Variants in TOR1AIP2 observed in about 807,000 individuals in gnomAD.
TOR1AIP2 encodes torsin 1A interacting protein 2, also known as torsin-1A-interacting protein 2.
A neutral mutation model predicts 32.6 loss-of-function variants in TOR1AIP2; 20 were observed. The observed-to-expected ratio is 0.61, with a 90% CI of 0.43 to 0.89. TOR1AIP2 has a LOEUF of 0.89. Ranked by LOEUF, TOR1AIP2 falls within the 40% of genes least tolerant of loss-of-function variation. The pLI is 0.00. For missense variants in TOR1AIP2, 456 were observed against 553.8 expected, an observed-to-expected ratio of 0.82 and a Z score of 1.77; for synonymous variants, 214 against 210.8, an observed-to-expected ratio of 1.02 and a Z score of -0.13.
chr1:179,869,631 T>C (rs1696934295), intron 2 of TOR1AIP2, among the ~76,000 whole-genome samples: 1 of 152,230 alleles, frequency 6.6e-6, no homozygotes, highest in South Asian at 2.1e-4. Flanking sequence ...ATATGGATCT[T>C]TGTTTTCCTC....
intron 2 of TOR1AIP2, among the ~76,000 whole-genome samples, chr1:179,869,542 G>A (rs1162617127): frequency 2.0e-5 from 3 of 152,172 alleles, no homozygotes; most frequent in Admixed American, 1.3e-4. Flanking sequence ...TCACACTGTG[G>A]ACAAGACCAG....
intron 2 of TOR1AIP2, among the ~76,000 whole-genome samples, chr1:179,872,115 A>G (rs116110498): frequency 1.8e-4 from 28 of 152,332 alleles, no homozygotes; most frequent in African/African-American, 6.5e-4. Context: ...TAGCTGCAGA[A>G]TGTTCTCCTC....
At chr1:179,864,775 T>G in intron 3 of TOR1AIP2, 1 of 1,585,640 alleles carries the variant, frequency 6.3e-7, no homozygotes, top group Non-Finnish European at 8.6e-7. Flanking sequence ...TTGACTATTA[T>G]AGAAGCTATT....
intron 2 of TOR1AIP2, among the ~76,000 whole-genome samples, chr1:179,873,325 C>T (rs1036477696): frequency 1.3e-5 from 2 of 152,178 alleles, no homozygotes; most frequent in African/African-American, 4.8e-5. Context: ...CTGCACCTGA[C>T]CTGGCCAGTT....
intron 6 of TOR1AIP2, among the ~76,000 whole-genome samples, chr1:179,847,030 T>G (rs529652673): frequency 6.6e-6 from 1 of 152,358 alleles, no homozygotes; most frequent in African/African-American, 2.4e-5. Context: ...TTTGAAGATA[T>G]ATCTGTTAAA....
At chr1:179,866,316 G>C (rs1188515295) in intron 2 of TOR1AIP2, among the ~76,000 whole-genome samples, 1 of 150,300 alleles carries the variant, frequency 6.7e-6, no homozygotes, top group Non-Finnish European at 1.5e-5. Flanking sequence ...GCTAACCATA[G>C]AAAGTTGAAT....
chr1:179,873,843 C>G (rs183387540), intron 2 of TOR1AIP2: 1 of 152,292 alleles, frequency 6.6e-6, no homozygotes, highest in Non-Finnish European at 1.5e-5. Flanking sequence ...TCAAATTGTT[C>G]CAACCTGGAT....
chr1:179,856,597 C>T (rs193148019), intron 3 of TOR1AIP2, among the ~76,000 whole-genome samples: 4 of 151,982 alleles, frequency 2.6e-5, no homozygotes, highest in Admixed American at 6.6e-5. Context: ...GATCTGGAGG[C>T]CACTGTTTCA....
rs148534399 is a variant in TOR1AIP2 at position 179,859,155 on chromosome 1, T to G, written c.-147+6281A>C. 408 of 985,406 alleles carry G rather than the reference T, an allele frequency of 4.1e-4. 2 individuals carry two copies. The African/African-American group carries it at 6.8e-3, about 16-fold the overall frequency. The allele number at this position is 985,406 out of a possible 1,614,324, so 61.0% of individuals were successfully genotyped here. On this transcript the variant is annotated intron_variant, in intron 3 of 6. Transcript: ENST00000609928. The stretch of plus-strand genomic sequence containing the variant: ...GAAACAAGTAGTTACAATCCTGCTA[T>G]GAAAACGAGTAACAAATAAAGCATA...
intron 2 of TOR1AIP2, chr1:179,868,257 T>A (rs959577067): frequency 7.2e-5 from 11 of 152,202 alleles, no homozygotes; most frequent in African/African-American, 2.7e-4. Flanking sequence ...CTACTAGGCT[T>A]GCTTTATTTT....
chr1:179,844,030 A>C lies in TOR1AIP2; in HGVS notation c.*2041T>G, dbSNP rs1284969606. ...GAATGAAGAAACAAGAATATGCGAC[A>C]TACTGGTTCCTTGACAGATCTGAGG... is the stretch of plus-strand genomic sequence containing the variant. On this transcript the variant is annotated 3_prime_UTR_variant, in exon 7 of 7. Transcript: ENST00000609928. The C allele has an allele frequency of 1.3e-5, 2 of 152,220 alleles. No homozygotes were observed. The highest frequency in any genetic ancestry group is 2.9e-5 in the Non-Finnish European group (2 of 68,032). The allele number at this position is 152,220 out of a possible 1,614,324, so 9.4% of individuals were successfully genotyped here.
At chr1:179,860,257 A>C (rs111313362) in intron 3 of TOR1AIP2, 13,728 of 957,676 alleles carry the variant, frequency 0.014, 461 homozygotes, top group African/African-American at 0.12. Flanking sequence ...CCCAGGTGAG[A>C]GGATCGCTTG....
intron 3 of TOR1AIP2, chr1:179,863,168 G>C (rs944099782): frequency 2.3e-5 from 19 of 822,024 alleles, no homozygotes; most frequent in Non-Finnish European, 7.2e-6. Context: ...AGAGGTTGCA[G>C]TGAACCAAGA....
At chr1:179,863,477 TACA>T in intron 3 of TOR1AIP2, 1 of 985,090 alleles carries the variant, frequency 1.0e-6, no homozygotes, top group Non-Finnish European at 1.2e-6. Context: ...AAATGTCTGT[TACA>T]ACAAGAAGTC....
rs907672317 is a variant in TOR1AIP2, at chr1:179,844,039, C to T, written c.*2032G>A. The T allele has an allele frequency of 6.6e-6, 1 of 152,094 alleles. No individual in the cohort carries two copies. The highest frequency in any genetic ancestry group is 1.5e-5 in the Non-Finnish European group (1 of 68,026). 9.4% of individuals were successfully genotyped at this position (152,094 alleles called of 1,614,324 possible). On this transcript the variant is annotated 3_prime_UTR_variant, in exon 7 of 7. Coordinates refer to ENST00000609928, the MANE Select transcript of TOR1AIP2 (RefSeq NM_001199260.2). ...AACAAGAATATGCGACATACTGGTT[C>T]CTTGACAGATCTGAGGTAGCACAGG...
chr1:179,866,597 C>G (rs4487988), intron 2 of TOR1AIP2, among the ~76,000 whole-genome samples: 5,700 of 152,070 alleles, frequency 0.037, 303 homozygotes, highest in African/African-American at 0.11. Context: ...TAGAGACGGG[C>G]TTTCTCCATG....
Position 179,846,641 on chromosome 1 carries a change from G to C in TOR1AIP2, c.843C>G (p.Leu281=), listed in dbSNP as rs1695917353. Residue 281 remains leucine (L), a synonymous_variant, in exon 7 of 7, where the codon CTC becomes CTG. Coordinates refer to ENST00000609928, the MANE Select transcript of TOR1AIP2 (RefSeq NM_001199260.2). ...GGTTGGAAGCATTGAGGTGCTTCTG[G>C]AGAAACTTCCGTCCTCTCTGCCACA... ...SFLWQRGRKF[L]QKHLNASNPT... The C allele has an allele frequency of 1.2e-6, 2 of 1,613,990 alleles. No individual in the cohort carries two copies. The highest frequency in any genetic ancestry group is 2.7e-5 in the African/African-American group (2 of 74,910).
At position 179,846,212 on chromosome 1, in the gene TOR1AIP2, G is replaced by T. The variant is rs770155776; in HGVS notation, c.1272C>A (p.Ala424=). Residue 424 remains alanine, a synonymous_variant, in exon 7 of 7, where the codon GCC becomes GCA. Transcript: ENST00000609928. ...TEEKVRDLLW[A]KFTNSDTPTS... is the part of the protein sequence containing the mutation. Reference sequence around the variant, plus strand: ...TGGGAGTGTCAGAGTTGGTAAACTTGGCCCAGAGTAAGTCTCTCACTTTTT... The same window carrying T: ...TGGGAGTGTCAGAGTTGGTAAACTTTGCCCAGAGTAAGTCTCTCACTTTTT... 1.9e-6 allele frequency: 3 copies of T among 1,614,144 alleles called. No homozygotes were observed. The Admixed American group carries it at 5.0e-5, about 27-fold the overall frequency.
Position 179,851,154 on chromosome 1 carries a change from G to C in TOR1AIP2, c.244C>G (p.Pro82Ala). ...TTCTCATCTTCTGTTTTATCCTTTGGATGTTTCCCCACATTTGCTTCATCT... is the reference window on the plus strand; with the variant it reads ...TTCTCATCTTCTGTTTTATCCTTTGCATGTTTCCCCACATTTGCTTCATCT... ...SPDEANVGKH[P>A]KDKTEDENKQ... Residue 82 changes from proline (P) to alanine (A), a missense_variant, in exon 5 of 7, where the codon CCA becomes GCA. Physicochemically the swap from Pro to Ala is conservative, Grantham distance 27 (BLOSUM62 -1). Coordinates refer to ENST00000609928, the MANE Select transcript of TOR1AIP2 (RefSeq NM_001199260.2). 6.2e-7 allele frequency: 1 copy of C among 1,613,896 alleles called. No individual in the cohort carries two copies. The highest frequency in any genetic ancestry group is 8.5e-7 in the Non-Finnish European group (1 of 1,180,012).
Sources: allele counts gnomAD v4.1 joint callset (sites outside exome capture counted in the v4.1 genomes callset), GRCh38; gene constraint gnomAD v4.1.1; transcripts MANE v1.5; gene names NCBI Gene and HGNC (gene_info 2026-07-23, HGNC 2026-07-21).